Variants in MOB3B observed in about 807,000 individuals in gnomAD.
MOB3B encodes the protein MOB kinase activator 3B, also known as MOB kinase activator-like 2B.
Under a neutral mutation model 18.7 loss-of-function variants are expected in MOB3B, and 7 were observed. That is an observed-to-expected ratio of 0.37 (90% CI 0.21 to 0.70). MOB3B has a LOEUF of 0.70. MOB3B is among the 30% of genes least tolerant of loss of function. The pLI is 0.52. For missense variants in MOB3B, 253 were observed against 281.3 expected, an observed-to-expected ratio of 0.90 and a Z score of 0.72; for synonymous variants, 111 against 99.9, an observed-to-expected ratio of 1.11 and a Z score of -0.66.
At chr9:27,357,877 T>G (rs74605160) in intron 3 of MOB3B, among the ~76,000 whole-genome samples, 4,154 of 65,108 alleles carry the variant, frequency 0.064, 286 homozygotes, top group African/African-American at 0.19. Context: ...CATAATGAGA[T>G]CCCATCGCTA....
intron 2 of MOB3B, among the ~76,000 whole-genome samples, chr9:27,438,951 G>A (rs555336668): frequency 1.3e-5 from 2 of 152,260 alleles, no homozygotes; most frequent in South Asian, 4.1e-4. Context: ...TAGGGCCTCT[G>A]GGGTCTTTAC....
chr9:27,451,810 T>C (rs1348556), intron 2 of MOB3B, among the ~76,000 whole-genome samples: 87,581 of 152,032 alleles, frequency 0.58, 25,505 homozygotes, highest in African/African-American at 0.66. Context: ...TGACTCATGA[T>C]AGCACAAAGA....
chr9:27,382,630 C>G lies in MOB3B; in HGVS notation c.419-23394G>C, dbSNP rs976247989. Among the ~76,000 whole-genome samples, 5 of 152,064 alleles carry G rather than the reference C, an allele frequency of 3.3e-5. No individual in the cohort carries two copies. In the East Asian group the frequency reaches 5.8e-4, roughly 18 times the overall value. On this transcript the variant is annotated intron_variant, in intron 2 of 3. Transcript: ENST00000262244. ...AGACCAGACCAAGAATTCAGTGGAC[C>G]TTGCCCTCCCAAGGCATAATAAAAA...
At chr9:27,452,231 T>A (rs911475664) in intron 2 of MOB3B, among the ~76,000 whole-genome samples, 5 of 148,572 alleles carry the variant, frequency 3.4e-5, no homozygotes, top group Non-Finnish European at 3.0e-5. Flanking sequence ...CATCCATCCA[T>A]CCAATAACTT....
chr9:27,458,600 G>A (rs1319009829), intron 1 of MOB3B, among the ~76,000 whole-genome samples: 12 of 138,270 alleles, frequency 8.7e-5, no homozygotes, highest in African/African-American at 3.1e-4. Flanking sequence ...GCCACTGCTG[G>A]AGTGGTGTGG....
chr9:27,385,263 AAACAAC>A (rs1424467435), intron 2 of MOB3B, among the ~76,000 whole-genome samples: 2 of 152,318 alleles, frequency 1.3e-5, no homozygotes, highest in Admixed American at 6.5e-5. Flanking sequence ...AGGACACACA[AAACAAC>A]AGTGATTCTT....
At chr9:27,499,730 A>G (rs1349039495) in intron 1 of MOB3B, among the ~76,000 whole-genome samples, 6 of 152,184 alleles carry the variant, frequency 3.9e-5, no homozygotes, top group Non-Finnish European at 7.4e-5. Context: ...GACAAGTCAC[A>G]GCAGGAAATG....
intron 2 of MOB3B, among the ~76,000 whole-genome samples, chr9:27,434,689 G>A (rs76289372): frequency 1.2e-3 from 189 of 152,118 alleles, no homozygotes; most frequent in African/African-American, 4.3e-3. Context: ...TGCTCAAGCC[G>A]GAAATTTAGG....
rs537209346 is a variant in MOB3B, at chr9:27,344,330, C to T, written c.622-13714G>A. 2.6e-5 allele frequency among the ~76,000 whole-genome samples: 4 copies of T among 152,290 alleles called. No individual in the cohort carries two copies. The South Asian group carries it at 8.3e-4, about 32-fold the overall frequency. On this transcript the variant is annotated intron_variant, in intron 3 of 3. Coordinates refer to ENST00000262244, the MANE Select transcript of MOB3B (RefSeq NM_024761.5). ...CATCCATGCCCAACTAATTCAGTTC[C>T]CTCTGTTATTGCTGTCAGTATTAGA... is the stretch of plus-strand genomic sequence containing the variant.
chr9:27,341,504 C>A (rs1820940914), intron 3 of MOB3B, among the ~76,000 whole-genome samples: 1 of 152,172 alleles, frequency 6.6e-6, no homozygotes, highest in Non-Finnish European at 1.5e-5. Context: ...CAGTCTCACT[C>A]CTTTGGTAGG....
At chr9:27,487,682 C>T (rs1819751633) in intron 1 of MOB3B, among the ~76,000 whole-genome samples, 1 of 152,122 alleles carries the variant, frequency 6.6e-6, no homozygotes, top group Admixed American at 6.5e-5. Flanking sequence ...TTAGGGGCTG[C>T]TTGGCCACCT....
chr9:27,435,885 G>A (rs1822493003), intron 2 of MOB3B, among the ~76,000 whole-genome samples: 1 of 152,190 alleles, frequency 6.6e-6, no homozygotes, highest in Non-Finnish European at 1.5e-5. Flanking sequence ...AAAGGTGTGA[G>A]CCACCATACC....
intron 2 of MOB3B, among the ~76,000 whole-genome samples, chr9:27,440,493 T>C (rs1373531729): frequency 6.6e-6 from 1 of 152,172 alleles, no homozygotes; most frequent in Non-Finnish European, 1.5e-5. Context: ...TCATGACTAC[T>C]CTGACCTGGA....
intron 1 of MOB3B, among the ~76,000 whole-genome samples, chr9:27,508,095 AC>A (rs1313221883): frequency 1.3e-5 from 2 of 152,160 alleles, no homozygotes; most frequent in Non-Finnish European, 2.9e-5. Flanking sequence ...ATTCTGGGGG[AC>A]CAAAGGAATT....
intron 2 of MOB3B, among the ~76,000 whole-genome samples, chr9:27,411,122 GATACAATGATGT>G (rs1822058920): frequency 1.3e-5 from 2 of 152,294 alleles, no homozygotes; most frequent in Admixed American, 1.3e-4. Context: ...AACAGGGTTT[GATACAATGATGT>G]ATCCCTAGAT....
At chr9:27,421,893 C>T (rs1185667631) in intron 2 of MOB3B, among the ~76,000 whole-genome samples, 1 of 152,124 alleles carries the variant, frequency 6.6e-6, no homozygotes, top group Admixed American at 6.5e-5. Flanking sequence ...TCTCTAGCTG[C>T]TTTTCTTCAT....
chr9:27,524,821 T>C (rs1187344948), intron 1 of MOB3B: 6 of 1,613,936 alleles, frequency 3.7e-6, no homozygotes, highest in Non-Finnish European at 5.1e-6. Context: ...AGCCTGGAAC[T>C]GAGGAGATAT....
intron 1 of MOB3B, among the ~76,000 whole-genome samples, chr9:27,486,090 G>A (rs1563880476): frequency 6.6e-6 from 1 of 151,676 alleles, no homozygotes; most frequent in Non-Finnish European, 1.5e-5. Flanking sequence ...ATTACAAATT[G>A]TGCTGTGTGC....
At position 27,512,659 on chromosome 9, in the gene MOB3B, C is replaced by T. The variant is rs887839165; in HGVS notation, c.-199+16896G>A. ...TGTTTCATGGGTGTATAGTTTGTGT[C>T]GGAGAATTGGTGCAGATAGACATTT... is the stretch of plus-strand genomic sequence containing the variant. On this transcript the variant is annotated intron_variant, in intron 1 of 3. Coordinates refer to ENST00000262244, the MANE Select transcript of MOB3B (RefSeq NM_024761.5). Among the ~76,000 whole-genome samples the T allele has an allele frequency of 5.3e-5, 8 of 152,082 alleles. No homozygotes were observed. In the East Asian group the frequency reaches 5.8e-4, roughly 11 times the overall value.
Sources: gnomAD v4.1 joint callset for allele counts (sites outside exome capture counted in the v4.1 genomes callset) on GRCh38, gnomAD v4.1.1 for gene constraint, MANE v1.5 for transcripts, NCBI Gene and HGNC (gene_info 2026-07-23, HGNC 2026-07-21) for gene names.